RGS6: variants seen among roughly 807,000 people sequenced by gnomAD.
RGS6 encodes the protein regulator of G protein signaling 6, also known as regulator of G-protein signaling 6.
In RGS6, 30 loss-of-function variants were observed where a neutral mutation model predicts 78.5. That is an observed-to-expected ratio of 0.38 (90% CI 0.29 to 0.52). The LOEUF (loss-of-function observed/expected upper bound fraction) is 0.52. RGS6 is among the 20% of genes least tolerant of loss of function. The probability of loss-of-function intolerance (pLI) is 0.85; values close to 1 mark genes in which losing one functional copy is unlikely to be tolerated. For synonymous variants in RGS6, 206 were observed against 206.0 expected (o/e 1.00, Z 0.00); for missense variants, 495 against 609.7 (o/e 0.81, Z 1.98).
At chr14:72,032,001 G>A (rs2090974058) in intron 2 of RGS6, among the ~76,000 whole-genome samples, 1 of 151,966 alleles carries the variant, frequency 6.6e-6, no homozygotes, top group Non-Finnish European at 1.5e-5. Context: ...CCTTTTCTGG[G>A]GTACTTAAAC....
chr14:72,468,102 A>G (rs900623446), intron 7 of RGS6, among the ~76,000 whole-genome samples: 25 of 152,348 alleles, frequency 1.6e-4, no homozygotes, highest in Admixed American at 7.8e-4. Context: ...TTTGTAAAGA[A>G]TATGGCATTG....
At chr14:72,264,337 T>C (rs947358471) in intron 2 of RGS6, among the ~76,000 whole-genome samples, 41 of 152,252 alleles carry the variant, frequency 2.7e-4, no homozygotes, top group African/African-American at 8.9e-4. Flanking sequence ...GTTTAAAGTA[T>C]GTAAGTAAAT....
chr14:72,159,109 T>G (rs2096817077), intron 2 of RGS6, among the ~76,000 whole-genome samples: 1 of 152,246 alleles, frequency 6.6e-6, no homozygotes, highest in African/African-American at 2.4e-5. Context: ...TTTAACAAAC[T>G]ACGAAGCACA....
At chr14:72,144,677 G>A (rs889639068) in intron 2 of RGS6, among the ~76,000 whole-genome samples, 1 of 152,116 alleles carries the variant, frequency 6.6e-6, no homozygotes, top group Non-Finnish European at 1.5e-5. Context: ...GGAACAGAGT[G>A]GAGAGCAAAA....
chr14:72,115,040 C>T (rs1344352482), intron 2 of RGS6, among the ~76,000 whole-genome samples: 1 of 152,194 alleles, frequency 6.6e-6, no homozygotes, highest in Non-Finnish European at 1.5e-5. Flanking sequence ...GAGTCAAAGT[C>T]AAGTTTATCT....
rs60232467 is a variant in RGS6, at chr14:72,556,328, A to C, written c.1423-6089A>C. Among the ~76,000 whole-genome samples the C allele has an allele frequency of 9.2e-5, 14 of 152,202 alleles. 1 individual carries two copies. The East Asian group carries it at 2.7e-3, about 29-fold the overall frequency. Reference sequence around the variant, plus strand: ...AGCGAGTGTGTATTAACACTTAAAAAACCATCGGATCTCATGAGAACTCAC... The same window carrying C: ...AGCGAGTGTGTATTAACACTTAAAACACCATCGGATCTCATGAGAACTCAC... On this transcript the variant is annotated intron_variant, in intron 17 of 17. Coordinates refer to ENST00000553525, the MANE Select transcript of RGS6 (RefSeq NM_001204424.2).
At chr14:72,465,598 A>ATGGT (rs1566914053) in intron 6 of RGS6, among the ~76,000 whole-genome samples, 160 bp from the exon 7 acceptor site, 2 of 117,014 alleles carry the variant, frequency 1.7e-5, no homozygotes, top group African/African-American at 6.9e-5. Context: ...GGATGGATGG[A>ATGGT]TGGTTGGGTG....
At chr14:71,889,591 G>C in the RGS6 span, among the ~76,000 whole-genome samples, 3 of 152,192 alleles carry the variant, frequency 2.0e-5, no homozygotes, top group African/African-American at 7.2e-5. Flanking sequence ...TCGTCAGAGA[G>C]GGGATAATTG....
In RGS6 at chr14:72,281,538, A is replaced by C. The variant is rs550166941; in HGVS notation, c.85-70557A>C. Among the ~76,000 whole-genome samples, 6 of 152,306 alleles carry C rather than the reference A, an allele frequency of 3.9e-5. No individual in the cohort carries two copies. In the East Asian group the frequency reaches 1.2e-3, roughly 29 times the overall value. The stretch of plus-strand genomic sequence containing the variant: ...AATGATACTGAGTTTCTACTACTAG[A>C]GGAATACATGCAATAGAGGAAATAA... On this transcript the variant is annotated intron_variant, in intron 2 of 17. Transcript: ENST00000553525.
intron 3 of RGS6, among the ~76,000 whole-genome samples, chr14:72,412,342 A>T (rs563753641): frequency 6.6e-6 from 1 of 151,988 alleles, no homozygotes; most frequent in Non-Finnish European, 1.5e-5. Context: ...TAGATTTTCT[A>T]TTTATTTGCA....
intron 2 of RGS6, among the ~76,000 whole-genome samples, chr14:72,281,617 T>C (rs2061600340): frequency 6.6e-6 from 1 of 152,074 alleles, no homozygotes; most frequent in Non-Finnish European, 1.5e-5. Context: ...GACTGGTTGG[T>C]GAGGGAAGGC....
chr14:72,330,833 AT>A lies in RGS6; in HGVS notation c.85-21252del, dbSNP rs530469428. ...CAGCTTTTGACTGACACCTGCAGAG[AT>A]TTTTTTTTTCTGAGACATTTTAAGT... On this transcript the variant is annotated intron_variant, in intron 2 of 17. Transcript: ENST00000553525. Among the ~76,000 whole-genome samples, 101 of 150,440 alleles carry A rather than the reference AT, an allele frequency of 6.7e-4. 3 individuals carry two copies. Among genetic ancestry groups the A allele is most frequent in the African/African-American group, 2.4e-3 (97 of 40,936 alleles).
Position 72,168,040 on chromosome 14 carries a change from A to G in RGS6, c.85-184055A>G, listed in dbSNP as rs560308376. Among the ~76,000 whole-genome samples, 8 of 152,320 alleles carry G rather than the reference A, an allele frequency of 5.3e-5. 1 individual carries two copies. In the South Asian group the frequency reaches 1.7e-3, roughly 32 times the overall value. On this transcript the variant is annotated intron_variant, in intron 2 of 17. Transcript: ENST00000553525. ...ACCCTAGGGGATCCCAGCAGTCACT[A>G]TTTACTAAGACATTTTTATTACCTA...
intron 2 of RGS6, among the ~76,000 whole-genome samples, chr14:72,309,225 G>T (rs1409212405): frequency 1.3e-5 from 2 of 152,306 alleles, no homozygotes; most frequent in East Asian, 3.9e-4. Flanking sequence ...ACCCTCAGAG[G>T]TCAGAGCGAG....
rs1462480836 is a variant in RGS6 at position 72,363,845 on chromosome 14, C to G, written c.184+11651C>G. ...CAAAGGGCAGTCAGTGCCTCACTCTCAAGATGTGCAGATGTGTGAAAGACT... is the reference window on the plus strand; with the variant it reads ...CAAAGGGCAGTCAGTGCCTCACTCTGAAGATGTGCAGATGTGTGAAAGACT... On this transcript the variant is annotated intron_variant, in intron 3 of 17. Coordinates refer to ENST00000553525, the MANE Select transcript of RGS6 (RefSeq NM_001204424.2). 2.6e-5 allele frequency among the ~76,000 whole-genome samples: 4 copies of G among 151,976 alleles called. No homozygotes were observed. The South Asian group carries it at 8.3e-4, about 32-fold the overall frequency.
chr14:72,271,946 C>G (rs988143831), intron 2 of RGS6, among the ~76,000 whole-genome samples: 2 of 134,858 alleles, frequency 1.5e-5, no homozygotes, highest in African/African-American at 2.8e-5. Context: ...TTGCCTTCTT[C>G]TTCCACTTTT....
intron 2 of RGS6, among the ~76,000 whole-genome samples, chr14:72,115,403 A>C (rs1488458365): frequency 6.6e-6 from 1 of 152,188 alleles, no homozygotes; most frequent in Admixed American, 6.5e-5. Flanking sequence ...CATGGGGATA[A>C]GCTGGAATCC....
the RGS6 span, among the ~76,000 whole-genome samples, chr14:71,921,719 T>A: frequency 4.6e-5 from 7 of 151,900 alleles, no homozygotes. Flanking sequence ...ATGGGAGAAA[T>A]GGGAAGACAT....
At position 72,565,260 on chromosome 14, in the gene RGS6, AC is replaced by A. The variant is rs1209266414; in HGVS notation, c.*2794del. ...GCCACATCTTGGCAGCCCCACAACC[AC>A]AGCATCAGGGCAGCTGCAGCAAGTG... On this transcript the variant is annotated 3_prime_UTR_variant, in exon 18 of 18. Transcript: ENST00000553525. The A allele has an allele frequency of 6.6e-6, 1 of 152,354 alleles. No individual in the cohort carries two copies. The highest frequency in any genetic ancestry group is 1.5e-5 in the Non-Finnish European group (1 of 68,138). The allele number at this position is 152,354 out of a possible 1,614,324, so 9.4% of individuals were successfully genotyped here.
Sources: gnomAD v4.1 joint callset for allele counts (sites outside exome capture counted in the v4.1 genomes callset) on GRCh38, gnomAD v4.1.1 for gene constraint, MANE v1.5 for transcripts, NCBI Gene and HGNC (gene_info 2026-07-23, HGNC 2026-07-21) for gene names.